The following DLGAP1 variants were observed in gnomAD, a reference collection of about 807,000 sequenced individuals.
DLGAP1 encodes disks large-associated protein 1.
Under a neutral mutation model 90.8 loss-of-function variants are expected in DLGAP1, and 11 were observed. That is an observed-to-expected ratio of 0.12 (90% CI 0.08 to 0.20). The LOEUF is 0.20. DLGAP1 is among the 10% of genes least tolerant of loss of function. The pLI, the probability that DLGAP1 is intolerant of heterozygous loss-of-function variation, is 1.00. For synonymous variants in DLGAP1, 558 were observed against 540.7 expected (o/e 1.03, Z -0.44); for missense variants, 1,050 against 1,333.8 (o/e 0.79, Z 3.31).
At chr18:3,907,801 C>T (rs984094026) in intron 3 of DLGAP1, among the ~76,000 whole-genome samples, 1 of 152,164 alleles carries the variant, frequency 6.6e-6, no homozygotes, top group East Asian at 1.9e-4. Context: ...GAGGGATGAG[C>T]CACAGATCAG....
At chr18:4,284,957 C>A (rs115628657) in intron 1 of DLGAP1, among the ~76,000 whole-genome samples, 1 of 152,080 alleles carries the variant, frequency 6.6e-6, no homozygotes, top group African/African-American at 2.4e-5. Context: ...AAAGTGCTTT[C>A]GCAATAAAGC....
chr18:3,992,676 C>CTAAATAAA (rs553164717), intron 3 of DLGAP1, among the ~76,000 whole-genome samples: 3 of 151,934 alleles, frequency 2.0e-5, no homozygotes, highest in South Asian at 4.2e-4. Context: ...GACCCTGTCT[C>CTAAATAAA]TAAATAAATA....
chr18:4,076,209 T>A (rs1057354666), intron 2 of DLGAP1, among the ~76,000 whole-genome samples: 5 of 152,200 alleles, frequency 3.3e-5, no homozygotes, highest in African/African-American at 4.8e-5. Flanking sequence ...ATATTTTATT[T>A]AAAAAAATTA....
intron 3 of DLGAP1, among the ~76,000 whole-genome samples, chr18:3,923,761 T>C (rs762938018): frequency 6.6e-6 from 1 of 152,242 alleles, no homozygotes; most frequent in Non-Finnish European, 1.5e-5. Context: ...CATTCCTCTG[T>C]ACTAAAACAG....
chr18:4,259,713 T>C (rs2078966825), intron 1 of DLGAP1, among the ~76,000 whole-genome samples: 1 of 152,204 alleles, frequency 6.6e-6, no homozygotes, highest in African/African-American at 2.4e-5. Context: ...GCAAGGTTAA[T>C]GTGTTTTGAT....
In DLGAP1 at chr18:3,499,419, C is replaced by T; in HGVS notation, c.2725-25G>A. On this transcript the variant is annotated intron_variant, in intron 12 of 12. Transcript: ENST00000315677. This position sits in a 1 kb window ranked among gnomAD's most constrained non-coding sequence, Gnocchi z 6.4. ...CCTGATCAAAGCAGAAGGTTCAGGACATTACACAGCTTCTCAGGACAAGCT... is the reference window on the plus strand; with the variant it reads ...CCTGATCAAAGCAGAAGGTTCAGGATATTACACAGCTTCTCAGGACAAGCT... The T allele has an allele frequency of 1.3e-6, 2 of 1,546,822 alleles. No individual in the cohort carries two copies. The highest frequency in any genetic ancestry group is 1.7e-6 in the Non-Finnish European group (2 of 1,145,374).
intron 2 of DLGAP1, among the ~76,000 whole-genome samples, chr18:4,096,261 G>T (rs1255666004): frequency 6.6e-6 from 1 of 152,094 alleles, no homozygotes; most frequent in Non-Finnish European, 1.5e-5. Context: ...CTGGCTTCAA[G>T]TGATCCTCCC....
rs935600502 is a variant in DLGAP1 at position 3,502,276 on chromosome 18, T to G, written c.2724+217A>C. 4 of 1,338,652 alleles carry G rather than the reference T, an allele frequency of 3.0e-6. No individual in the cohort carries two copies. In the South Asian group the frequency reaches 7.2e-5, roughly 24 times the overall value. 82.9% of individuals were successfully genotyped at this position (1,338,652 alleles called of 1,614,324 possible). A position where few individuals can be genotyped will look rare whatever the true frequency, so the allele number is the denominator to read the frequency against. The stretch of plus-strand genomic sequence containing the variant: ...AAAAGCCACATTCCCATTTTCCAAT[T>G]CACAAAGACAGGTTTTTCTTTAAAA... On this transcript the variant is annotated intron_variant, in intron 12 of 12. Transcript: ENST00000315677.
chr18:3,891,290 C>T (rs2071451777), intron 3 of DLGAP1, among the ~76,000 whole-genome samples: 1 of 152,150 alleles, frequency 6.6e-6, no homozygotes, highest in African/African-American at 2.4e-5. Context: ...TGTTAGCCCC[C>T]TCAGGTCCCT....
chr18:3,502,045 C>T (rs1217638910), intron 12 of DLGAP1: 6 of 552,694 alleles, frequency 1.1e-5, no homozygotes, highest in Non-Finnish European at 1.4e-5. Context: ...TTCTTTATTA[C>T]TATATTTATG....
At position 3,949,955 on chromosome 18, in the gene DLGAP1, G is replaced by T. The variant is rs182764101; in HGVS notation, c.-73+55161C>A. Among the ~76,000 whole-genome samples, 196 of 152,222 alleles carry T rather than the reference G, an allele frequency of 1.3e-3. 1 individual carries two copies. The highest frequency in any genetic ancestry group is 4.2e-3 in the African/African-American group (173 of 41,540). ...TTTATATAAATCCCAAAACACAGAT[G>T]GTAGGTGCTAGGAAAAACATTAGAA... On this transcript the variant is annotated intron_variant, in intron 3 of 12. Transcript: ENST00000315677.
chr18:4,388,290 G>A (rs2082275653), intron 1 of DLGAP1, among the ~76,000 whole-genome samples: 2 of 152,012 alleles, frequency 1.3e-5, no homozygotes, highest in African/African-American at 4.8e-5. Flanking sequence ...GGATGGTGAA[G>A]CTAATGACCA....
intron 1 of DLGAP1, among the ~76,000 whole-genome samples, chr18:4,292,062 A>G (rs898809765): frequency 6.6e-6 from 1 of 152,174 alleles, no homozygotes; most frequent in African/African-American, 2.4e-5. Context: ...CCAGCAATCT[A>G]CAGAAATCAC....
chr18:4,214,563 A>C lies in DLGAP1; in HGVS notation c.-266-63276T>G, dbSNP rs558143869. The stretch of plus-strand genomic sequence containing the variant: ...CACACGTAAATTTCTAATCCAAGGC[A>C]ATCTGTGGAAATCTTAGCATTGATT... On this transcript the variant is annotated intron_variant, in intron 1 of 12. Transcript: ENST00000315677. 9.2e-5 allele frequency among the ~76,000 whole-genome samples: 14 copies of C among 152,286 alleles called. No homozygotes were observed. The South Asian group carries it at 2.5e-3, about 27-fold the overall frequency.
At chr18:3,597,506 C>T (rs759783833) in intron 7 of DLGAP1, 12 of 332,260 alleles carry the variant, frequency 3.6e-5, no homozygotes, top group Non-Finnish European at 6.3e-5. Flanking sequence ...AACCAGGGTC[C>T]GTCCCATCTA....
At chr18:3,898,261 G>T (rs2071699212) in intron 3 of DLGAP1, among the ~76,000 whole-genome samples, 1 of 152,022 alleles carries the variant, frequency 6.6e-6, no homozygotes, top group Non-Finnish European at 1.5e-5. Flanking sequence ...TTTGATTTTG[G>T]ATTTTTGTAT....
At chr18:3,700,555 G>A (rs1363240784) in intron 7 of DLGAP1, among the ~76,000 whole-genome samples, 1 of 150,142 alleles carries the variant, frequency 6.7e-6, no homozygotes, top group African/African-American at 2.5e-5. Flanking sequence ...GCAGACTGGA[G>A]CTGTTCCTAT....
intron 5 of DLGAP1, among the ~76,000 whole-genome samples, chr18:3,749,182 C>G (rs1291033307): frequency 7.4e-6 from 1 of 134,392 alleles, no homozygotes; most frequent in Non-Finnish European, 1.5e-5. Flanking sequence ...CAGAGTCTCA[C>G]TCTGTTGCCC....
At position 3,880,042 on chromosome 18, in the gene DLGAP1, G is replaced by T; in HGVS notation, c.27C>A (p.Ser9Arg). The T allele has an allele frequency of 6.2e-7, 1 of 1,604,116 alleles. No individual in the cohort carries two copies. The highest frequency in any genetic ancestry group is 2.2e-5 in the East Asian group (1 of 44,868). Residue 9 changes from serine (S) to arginine (R), a missense_variant, in exon 4 of 13, where the codon AGC becomes AGA. Coordinates refer to ENST00000315677, the MANE Select transcript of DLGAP1 (RefSeq NM_004746.4). Reference protein sequence around the residue: MKGLSGSRSHHHGVTCDSA... With the variant: MKGLSGSRRHHHGVTCDSA... The stretch of plus-strand genomic sequence containing the variant: ...AGTCGCAGGTGACCCCGTGGTGATG[G>T]CTGCGGCTGCCTGATAGCCCTTTCA...
Sources: gnomAD v4.1 joint callset for allele counts (sites outside exome capture counted in the v4.1 genomes callset) on GRCh38, gnomAD v4.1.1 for gene constraint, Gnocchi (gnomAD v3.1) non-coding constraint, MANE v1.5 for transcripts, NCBI Gene and HGNC (gene_info 2026-07-23, HGNC 2026-07-21) for gene names.